The following CDH18 variants were observed in gnomAD, a reference collection of about 807,000 sequenced individuals.
CDH18 encodes the protein cadherin 18, also known as cadherin-18.
CDH18 carries 31 observed loss-of-function variants against 67.9 expected under a neutral mutation model. The observed-to-expected ratio is 0.46, with a 90% CI of 0.34 to 0.62. The LOEUF is 0.62. Ranked by LOEUF, CDH18 falls within the 20% of genes least tolerant of loss-of-function variation. CDH18 has a pLI of 0.01. For synonymous variants in CDH18, 362 were observed against 347.2 expected (o/e 1.04, Z -0.48); for missense variants, 890 against 975.5 (o/e 0.91, Z 1.17).
intron 3 of CDH18, among the ~76,000 whole-genome samples, chr5:19,785,488 A>C (rs988840347): frequency 1.3e-5 from 2 of 150,232 alleles, no homozygotes; most frequent in African/African-American, 4.9e-5. Context: ...CCCCGTCTCT[A>C]CTAAAAATAC....
At chr5:20,445,919 A>G (rs1021851911) in intron 1 of CDH18, among the ~76,000 whole-genome samples, 2 of 152,126 alleles carry the variant, frequency 1.3e-5, no homozygotes, top group African/African-American at 4.8e-5. Flanking sequence ...AAGTGAAATC[A>G]ACTGCTTTTT....
chr5:20,393,489 C>T (rs1008652062), intron 1 of CDH18, among the ~76,000 whole-genome samples: 1 of 151,950 alleles, frequency 6.6e-6, no homozygotes, highest in African/African-American at 2.4e-5. Context: ...TCACCAACTT[C>T]CTGATGCAGT....
chr5:19,773,116 T>A (rs902704743), intron 3 of CDH18, among the ~76,000 whole-genome samples: 1 of 152,150 alleles, frequency 6.6e-6, no homozygotes, highest in Non-Finnish European at 1.5e-5. Context: ...GATTCTTATC[T>A]CTGTTTCATA....
At chr5:19,826,857 G>A (rs1237194240) in intron 3 of CDH18, among the ~76,000 whole-genome samples, 1 of 152,088 alleles carries the variant, frequency 6.6e-6, no homozygotes, top group Non-Finnish European at 1.5e-5. Flanking sequence ...ACAACAAAAT[G>A]ACAGGATGAA....
intron 6 of CDH18, among the ~76,000 whole-genome samples, chr5:19,601,330 C>A (rs1747091280): frequency 6.6e-6 from 1 of 152,120 alleles, no homozygotes; most frequent in African/African-American, 2.4e-5. Context: ...GTCCTGCAAA[C>A]AAATACCAAC....
intron 3 of CDH18, among the ~76,000 whole-genome samples, chr5:19,790,315 A>C (rs1776225944): frequency 6.6e-6 from 1 of 152,182 alleles, no homozygotes; most frequent in African/African-American, 2.4e-5. Flanking sequence ...TACTGCATGT[A>C]TAAATTTTGA....
intron 1 of CDH18, among the ~76,000 whole-genome samples, chr5:20,378,704 T>C (rs1305814890): frequency 2.0e-5 from 3 of 152,246 alleles, no homozygotes; most frequent in Admixed American, 1.3e-4. Context: ...GATTCTAAGG[T>C]ATTCATTGCT....
chr5:20,556,789 G>T (rs1757931061), intron 1 of CDH18, among the ~76,000 whole-genome samples: 1 of 152,096 alleles, frequency 6.6e-6, no homozygotes, highest in Non-Finnish European at 1.5e-5. Context: ...AAGAATGAAG[G>T]ATTAATATCA....
intron 3 of CDH18, among the ~76,000 whole-genome samples, chr5:19,786,430 G>A (rs1053815820): frequency 3.9e-5 from 6 of 151,956 alleles, no homozygotes; most frequent in Admixed American, 3.3e-4. Flanking sequence ...TCCATTTTTA[G>A]GCTAAACTAC....
At chr5:19,708,837 G>A (rs1005296828) in intron 5 of CDH18, among the ~76,000 whole-genome samples, 1 of 152,012 alleles carries the variant, frequency 6.6e-6, no homozygotes, top group Non-Finnish European at 1.5e-5. Flanking sequence ...AGCTCTGAAG[G>A]CTGTCAGCCC....
At chr5:19,489,537 G>A (rs181476550) in intron 11 of CDH18, among the ~76,000 whole-genome samples, 294 of 152,112 alleles carry the variant, frequency 1.9e-3, no homozygotes, top group South Asian at 3.1e-3. Context: ...GTGAGCCACC[G>A]CGCCTGGCCA....
At chr5:20,020,350 G>A (rs1434189047) in intron 2 of CDH18, among the ~76,000 whole-genome samples, 5 of 152,152 alleles carry the variant, frequency 3.3e-5, no homozygotes, top group African/African-American at 1.2e-4. Context: ...ATTTGCATAA[G>A]TAAACAGGAG....
intron 2 of CDH18, among the ~76,000 whole-genome samples, chr5:20,166,900 G>A (rs1405752037): frequency 6.6e-6 from 1 of 152,128 alleles, no homozygotes; most frequent in African/African-American, 2.4e-5. Context: ...GACACTTCAG[G>A]AGAAGAAATG....
chr5:20,205,176 A>C (rs893469754), intron 2 of CDH18, among the ~76,000 whole-genome samples: 1 of 151,994 alleles, frequency 6.6e-6, no homozygotes, highest in African/African-American at 2.4e-5. Context: ...TACTGAAGGT[A>C]AGAGTGTTAA....
At chr5:20,448,146 G>A (rs1199024788) in intron 1 of CDH18, among the ~76,000 whole-genome samples, 14 of 151,708 alleles carry the variant, frequency 9.2e-5, no homozygotes, top group South Asian at 6.3e-4. Flanking sequence ...GAGAACATGC[G>A]GTGTTTGGTT....
intron 2 of CDH18, among the ~76,000 whole-genome samples, chr5:20,188,563 AT>A (rs1290389070): frequency 6.6e-6 from 1 of 151,962 alleles, no homozygotes; most frequent in African/African-American, 2.4e-5. Context: ...TAAGTACTTT[AT>A]GTACTCCTAT....
intron 1 of CDH18, chr5:20,305,110 G>A: frequency 6.4e-7 from 1 of 1,551,672 alleles, no homozygotes. Flanking sequence ...TGCAGCAAGA[G>A]AACCAAAGGC....
chr5:20,065,594 C>G (rs1334889064), intron 2 of CDH18, among the ~76,000 whole-genome samples: 1 of 151,956 alleles, frequency 6.6e-6, no homozygotes, highest in African/African-American at 2.4e-5. Context: ...AACATTGTAG[C>G]TTACTCTAAC....
chr5:20,548,629 G>A (rs1427955566), intron 1 of CDH18, among the ~76,000 whole-genome samples: 3 of 152,124 alleles, frequency 2.0e-5, no homozygotes, highest in Admixed American at 1.3e-4. Context: ...TGTTTGTACA[G>A]TGAATCTAGA....
Sources: allele counts gnomAD v4.1 joint callset (sites outside exome capture counted in the v4.1 genomes callset), GRCh38; gene constraint gnomAD v4.1.1; transcripts MANE v1.5; gene names NCBI Gene and HGNC (gene_info 2026-07-23, HGNC 2026-07-21).